SLC39A12: variants seen among roughly 807,000 people sequenced by gnomAD.
SLC39A12 encodes the protein zinc transporter ZIP12.
SLC39A12 carries 63 observed loss-of-function variants against 71.1 expected under a neutral mutation model. That is an observed-to-expected ratio of 0.89 (90% CI 0.72 to 1.09). The LOEUF (loss-of-function observed/expected upper bound fraction) is 1.09. Ranked by LOEUF, SLC39A12 falls within the 50% of genes least tolerant of loss-of-function variation. SLC39A12 has a pLI of 0.00. For missense variants in SLC39A12, 892 were observed against 812.6 expected (o/e 1.10, Z -1.19); for synonymous variants, 351 against 301.3 (o/e 1.16, Z -1.71).
intron 4 of SLC39A12, 149 bp downstream of exon 4, chr10:17,965,839 G>C: frequency 1.4e-6 from 1 of 706,652 alleles, no homozygotes. Flanking sequence ...GACAGCTTAT[G>C]TGGCCTTTCA....
intron 12 of SLC39A12, among the ~76,000 whole-genome samples, chr10:18,026,899 T>C (rs1836693250): frequency 6.6e-6 from 1 of 152,224 alleles, no homozygotes; most frequent in Non-Finnish European, 1.5e-5. Flanking sequence ...TTTTTCTGCT[T>C]ACATTTTCCT....
intron 12 of SLC39A12, among the ~76,000 whole-genome samples, chr10:18,025,493 T>C (rs1430839656): frequency 6.6e-6 from 1 of 152,030 alleles, no homozygotes; most frequent in African/African-American, 2.4e-5. Context: ...GTTTGGTTTT[T>C]TGTCCTTGCG....
chr10:18,041,914 C>CATAT (rs146350076), intron 12 of SLC39A12, among the ~76,000 whole-genome samples: 8 of 148,180 alleles, frequency 5.4e-5, no homozygotes, highest in African/African-American at 2.0e-4. Context: ...TATATGTATA[C>CATAT]ATATATATAT....
intron 9 of SLC39A12, among the ~76,000 whole-genome samples, chr10:17,993,642 G>C (rs1336107249): frequency 3.3e-5 from 5 of 152,338 alleles, no homozygotes; most frequent in Non-Finnish European, 7.4e-5. Context: ...TGACTAGGTG[G>C]ATGAAAACAG....
intron 4 of SLC39A12, among the ~76,000 whole-genome samples, chr10:17,968,575 A>G (rs983071658): frequency 2.0e-5 from 3 of 152,092 alleles, no homozygotes; most frequent in East Asian, 1.9e-4. Context: ...TTTATCTGAG[A>G]ATGGCTTTTT....
Position 17,953,185 on chromosome 10 carries a change from C to A in SLC39A12, c.-86-6C>A. The A allele has an allele frequency of 6.8e-7, 1 of 1,466,104 alleles. No homozygotes were observed. The highest frequency in any genetic ancestry group is 9.2e-7 in the Non-Finnish European group (1 of 1,086,108). The allele number at this position is 1,466,104 out of a possible 1,614,324, so 90.8% of individuals were successfully genotyped here. A position where few individuals can be genotyped will look rare whatever the true frequency, so the allele number is the denominator to read the frequency against. ...TTGAAGGCTTTATTTTTCCCCTTTA[C>A]CACAGAAATTCCTTTGGTTACAAGT... On this transcript the variant is annotated splice_polypyrimidine_tract_variant and splice_region_variant and intron_variant, in intron 1 of 12. Coordinates refer to ENST00000377369, the MANE Select transcript of SLC39A12 (RefSeq NM_001145195.2).
chr10:17,985,865 A>G (rs1364526261), intron 6 of SLC39A12, among the ~76,000 whole-genome samples: 1 of 152,170 alleles, frequency 6.6e-6, no homozygotes, highest in Non-Finnish European at 1.5e-5. Context: ...GCCTAGAAAC[A>G]TGAAATTCTA....
At chr10:17,982,943 C>A (rs1835298940) in intron 6 of SLC39A12, among the ~76,000 whole-genome samples, 1 of 152,016 alleles carries the variant, frequency 6.6e-6, no homozygotes, top group African/African-American at 2.4e-5. Context: ...GTAATCCCAG[C>A]ACTTCGGGAG....
chr10:17,996,645 G>A (rs1449425912), intron 10 of SLC39A12, among the ~76,000 whole-genome samples: 2 of 152,214 alleles, frequency 1.3e-5, no homozygotes, highest in African/African-American at 4.8e-5. Flanking sequence ...TGTTAGCGAG[G>A]TTAAATCACT....
chr10:17,955,940 A>G (rs920106470), intron 2 of SLC39A12, among the ~76,000 whole-genome samples: 3 of 152,126 alleles, frequency 2.0e-5, no homozygotes, highest in Non-Finnish European at 4.4e-5. Context: ...AACCCTACAC[A>G]TGTTTCTGAA....
At chr10:17,966,341 C>T (rs1008831040) in intron 4 of SLC39A12, among the ~76,000 whole-genome samples, 6 of 152,116 alleles carry the variant, frequency 3.9e-5, no homozygotes, top group Non-Finnish European at 7.4e-5. Flanking sequence ...GACAGGGTCT[C>T]ATTCTGTTGC....
At chr10:18,031,614 TG>T (rs1836851625) in intron 12 of SLC39A12, among the ~76,000 whole-genome samples, 1 of 112,504 alleles carries the variant, frequency 8.9e-6, no homozygotes. Context: ...TTCACTCTGA[TG>T]GTAGTTTCTT....
chr10:17,975,575 TC>T (rs1835088492), intron 4 of SLC39A12, among the ~76,000 whole-genome samples: 1 of 151,972 alleles, frequency 6.6e-6, no homozygotes, highest in Non-Finnish European at 1.5e-5. Flanking sequence ...CTCTTTCCTC[TC>T]CATTCCTTAA....
chr10:17,971,621 G>T (rs116700356), intron 4 of SLC39A12, among the ~76,000 whole-genome samples: 1 of 151,836 alleles, frequency 6.6e-6, no homozygotes, highest in Non-Finnish European at 1.5e-5. Flanking sequence ...ATTTATTGGC[G>T]TATGGTTACT....
intron 6 of SLC39A12, 135 bp downstream of exon 6, chr10:17,981,618 C>A: frequency 3.0e-6 from 2 of 662,362 alleles, no homozygotes; most frequent in South Asian, 3.1e-5. Context: ...ATCCTCCTAA[C>A]AATGCTACAA....
intron 2 of SLC39A12, among the ~76,000 whole-genome samples, chr10:17,956,801 A>T (rs1467951687): frequency 6.6e-6 from 1 of 152,234 alleles, no homozygotes; most frequent in Non-Finnish European, 1.5e-5. Flanking sequence ...AAAGTGTGGA[A>T]AACACCCAGC....
chr10:17,978,027 T>G lies in SLC39A12; in HGVS notation c.877T>G (p.Ser293Ala). The change falls in exon 5 of 13, where the codon TCA becomes GCA. Residue 293 changes from serine to alanine, a missense_variant. Ser to Ala is a moderately conservative substitution (Grantham distance 99). Transcript: ENST00000377369. The stretch of plus-strand genomic sequence containing the variant: ...TGATCAGGACTATTCTAATTTCTCT[T>G]CATCCATGGAAAAAGAGTCTGAGGA... ...THDQDYSNFSSSMEKESEDGP... is the reference protein window; with the variant it reads ...THDQDYSNFSASMEKESEDGP... 6.2e-7 allele frequency: 1 copy of G among 1,604,864 alleles called. No individual in the cohort carries two copies. Among genetic ancestry groups the G allele is most frequent in the African/African-American group, 1.3e-5 (1 of 74,468 alleles).
At position 18,021,039 on chromosome 10, in the gene SLC39A12, T is replaced by C. The variant is rs148588441; in HGVS notation, c.1947+17681T>C. 7.0e-3 allele frequency among the ~76,000 whole-genome samples: 1,073 copies of C among 152,262 alleles called. 11 individuals are homozygous for C. The highest frequency in any genetic ancestry group is 9.1e-3 in the Non-Finnish European group (622 of 68,012). ...TTTTGGAGTCTCTGTCATGAAATCT[T>C]TGCCAAGACTGATATCCAGGATGGT... On this transcript the variant is annotated intron_variant, in intron 12 of 12. Coordinates refer to ENST00000377369, the MANE Select transcript of SLC39A12 (RefSeq NM_001145195.2).
chr10:17,974,319 G>T (rs1291590445), intron 4 of SLC39A12, among the ~76,000 whole-genome samples: 1 of 152,024 alleles, frequency 6.6e-6, no homozygotes, highest in Non-Finnish European at 1.5e-5. Context: ...CTTGATACTT[G>T]TAGATATTCG....
Sources: allele counts gnomAD v4.1 joint callset (sites outside exome capture counted in the v4.1 genomes callset), GRCh38; gene constraint gnomAD v4.1.1; transcripts MANE v1.5; gene names NCBI Gene and HGNC (gene_info 2026-07-23, HGNC 2026-07-21).